Variants in EXOC4 observed in about 807,000 individuals in gnomAD.
EXOC4 encodes SEC8-like 1.
EXOC4 carries 71 observed loss-of-function variants against 107.2 expected under a neutral mutation model. The ratio of observed to expected loss-of-function variants is 0.66; its 90% CI spans 0.55 to 0.81. The LOEUF (loss-of-function observed/expected upper bound fraction) is 0.81, where lower values mean the gene tolerates loss of function less well. EXOC4 is among the 30% of genes least tolerant of loss of function. The pLI is 0.00. For missense variants in EXOC4, 1,108 were observed against 1,189.6 expected, an observed-to-expected ratio of 0.93 and a Z score of 1.01; for synonymous variants, 456 against 441.2, an observed-to-expected ratio of 1.03 and a Z score of -0.42.
At chr7:133,326,188 G>A (rs1040619306) in intron 5 of EXOC4, among the ~76,000 whole-genome samples, 9 of 152,012 alleles carry the variant, frequency 5.9e-5, no homozygotes, top group African/African-American at 1.2e-4. Flanking sequence ...AAGTTTGATC[G>A]TCTGAAGCCT....
chr7:133,470,453 A>C (rs765786408), intron 7 of EXOC4, among the ~76,000 whole-genome samples: 1 of 152,166 alleles, frequency 6.6e-6, no homozygotes, highest in African/African-American at 2.4e-5. Flanking sequence ...AACCTAGTTT[A>C]TATGTTCTTT....
intron 12 of EXOC4, among the ~76,000 whole-genome samples, chr7:133,911,608 A>G (rs1799697253): frequency 1.3e-5 from 2 of 152,244 alleles, no homozygotes; most frequent in Non-Finnish European, 2.9e-5. Context: ...CTTTAAAAAT[A>G]TGTAAGTAAA....
chr7:133,836,604 G>T (rs563426603), intron 11 of EXOC4, among the ~76,000 whole-genome samples: 1 of 152,172 alleles, frequency 6.6e-6, no homozygotes, highest in African/African-American at 2.4e-5. Context: ...TCTAAAGGCA[G>T]AACACGTTTC....
chr7:133,763,519 C>T (rs1255575529), intron 10 of EXOC4, among the ~76,000 whole-genome samples: 1 of 152,036 alleles, frequency 6.6e-6, no homozygotes, highest in East Asian at 1.9e-4. Flanking sequence ...ACCTCTTGCT[C>T]CCCGAGTTTG....
chr7:133,847,850 AGGCACC>A (rs1798163181), intron 11 of EXOC4, among the ~76,000 whole-genome samples: 1 of 144,784 alleles, frequency 6.9e-6, no homozygotes. Flanking sequence ...CTGGGATTAC[AGGCACC>A]TGCCACCATG....
intron 11 of EXOC4, among the ~76,000 whole-genome samples, chr7:133,885,502 A>T (rs969604453): frequency 2.0e-5 from 3 of 152,140 alleles, no homozygotes; most frequent in African/African-American, 4.8e-5. Context: ...ATACCTTGCA[A>T]GGTGTTAGAG....
At chr7:133,764,854 G>A (rs930362289) in intron 10 of EXOC4, among the ~76,000 whole-genome samples, 1 of 152,026 alleles carries the variant, frequency 6.6e-6, no homozygotes, top group African/African-American at 2.4e-5. Flanking sequence ...CATCTGGAAG[G>A]TGGTGGGAAG....
At chr7:134,036,605 G>A (rs1795396722) in intron 17 of EXOC4, among the ~76,000 whole-genome samples, 1 of 152,098 alleles carries the variant, frequency 6.6e-6, no homozygotes, top group South Asian at 2.1e-4. Flanking sequence ...AAAAAAGAGA[G>A]AGAATTCTCA....
chr7:133,885,446 G>A (rs1252892017), intron 11 of EXOC4, among the ~76,000 whole-genome samples: 1 of 152,114 alleles, frequency 6.6e-6, no homozygotes, highest in East Asian at 1.9e-4. Flanking sequence ...TGCTGTGCAT[G>A]TGCATTAAAT....
At chr7:133,601,746 G>C (rs1378654464) in intron 9 of EXOC4, 3 of 152,232 alleles carry the variant, frequency 2.0e-5, no homozygotes, top group African/African-American at 7.2e-5. Context: ...AGTAGCAGTG[G>C]TTGCACCTGC....
chr7:133,548,063 T>C (rs1450844659), intron 9 of EXOC4, among the ~76,000 whole-genome samples: 1 of 151,954 alleles, frequency 6.6e-6, no homozygotes, highest in Non-Finnish European at 1.5e-5. Flanking sequence ...TCCAAATGAC[T>C]CCTTGATGCA....
At chr7:133,595,098 A>G (rs972265425) in intron 9 of EXOC4, among the ~76,000 whole-genome samples, 7 of 152,128 alleles carry the variant, frequency 4.6e-5, no homozygotes, top group Non-Finnish European at 8.8e-5. Flanking sequence ...GGAGGAGTGT[A>G]GGTAATGGGG....
chr7:133,888,320 C>G (rs1434901337), intron 11 of EXOC4, among the ~76,000 whole-genome samples: 2 of 152,162 alleles, frequency 1.3e-5, no homozygotes, highest in African/African-American at 2.4e-5. Flanking sequence ...AGTTCACTGT[C>G]AAGACTGGAA....
intron 7 of EXOC4, among the ~76,000 whole-genome samples, chr7:133,472,133 C>T (rs533569817): frequency 9.9e-5 from 15 of 152,064 alleles, no homozygotes; most frequent in South Asian, 4.1e-4. Context: ...GAATAAGATA[C>T]GCTTGGAAAT....
intron 10 of EXOC4, among the ~76,000 whole-genome samples, chr7:133,774,142 C>A (rs989026354): frequency 4.6e-5 from 7 of 152,060 alleles, no homozygotes; most frequent in Non-Finnish European, 7.4e-5. Flanking sequence ...ATGAGCTAAC[C>A]AGCCAGGGCA....
At chr7:133,832,440 C>T (rs900161963) in intron 11 of EXOC4, among the ~76,000 whole-genome samples, 3 of 152,188 alleles carry the variant, frequency 2.0e-5, no homozygotes, top group African/African-American at 7.2e-5. Flanking sequence ...CTAAAAAATT[C>T]CCATGCTTCA....
At chr7:134,057,089 A>G (rs1045032016) in intron 17 of EXOC4, among the ~76,000 whole-genome samples, 30 of 152,196 alleles carry the variant, frequency 2.0e-4, no homozygotes, top group African/African-American at 7.2e-4. Context: ...GACAAGGCCA[A>G]GAGGTAACTG....
chr7:133,594,113 AG>A (rs563897462), intron 9 of EXOC4, among the ~76,000 whole-genome samples: 268 of 152,336 alleles, frequency 1.8e-3, no homozygotes, highest in African/African-American at 6.0e-3. Flanking sequence ...GAACTGAGAC[AG>A]TAATCTTAGA....
chr7:133,982,713 A>C (rs1334145399), intron 14 of EXOC4, among the ~76,000 whole-genome samples: 3 of 152,154 alleles, frequency 2.0e-5, no homozygotes, highest in East Asian at 3.9e-4. Flanking sequence ...TATGGGTCAG[A>C]TAGGATGATC....
Sources: allele counts gnomAD v4.1 joint callset (sites outside exome capture counted in the v4.1 genomes callset), GRCh38; gene constraint gnomAD v4.1.1; transcripts MANE v1.5; gene names NCBI Gene and HGNC (gene_info 2026-07-23, HGNC 2026-07-21).